The following TSPAN9 variants were observed in gnomAD, a reference collection of about 807,000 sequenced individuals.
The protein encoded by TSPAN9 is tetraspanin-9.
In TSPAN9, 16 loss-of-function variants were observed where a neutral mutation model predicts 31.0. That is an observed-to-expected ratio of 0.52 (90% confidence interval 0.35 to 0.78). The LOEUF (loss-of-function observed/expected upper bound fraction) is 0.78. Among genes scored for constraint, TSPAN9 ranks in the 30% least tolerant of loss-of-function variants. The pLI is 0.01. For synonymous variants in TSPAN9, 145 were observed against 121.6 expected (o/e 1.19, Z -1.27); for missense variants, 272 against 312.5 (o/e 0.87, Z 0.98).
intron 3 of TSPAN9, among the ~76,000 whole-genome samples, chr12:3,201,810 C>G (rs1262083533): frequency 6.6e-6 from 1 of 152,218 alleles, no homozygotes; most frequent in Non-Finnish European, 1.5e-5. Context: ...TGGCTCAAGC[C>G]GATGGACCTG....
intron 3 of TSPAN9, among the ~76,000 whole-genome samples, chr12:3,263,542 T>A (rs867925632): frequency 1.3e-5 from 2 of 152,272 alleles, no homozygotes; most frequent in Middle Eastern, 3.4e-3. Flanking sequence ...GGGGAGGCGC[T>A]CCTGTTGCTG....
At chr12:3,224,855 C>T (rs558040631) in intron 3 of TSPAN9, among the ~76,000 whole-genome samples, 5 of 152,280 alleles carry the variant, frequency 3.3e-5, no homozygotes, top group South Asian at 2.1e-4. Flanking sequence ...TGTGTGAGAT[C>T]GGCCCTCTTG....
chr12:3,132,376 C>T (rs2098330180), intron 2 of TSPAN9, among the ~76,000 whole-genome samples: 1 of 152,172 alleles, frequency 6.6e-6, no homozygotes, highest in Non-Finnish European at 1.5e-5. Flanking sequence ...TACCACTTTA[C>T]ATCCCTGCCG....
intron 2 of TSPAN9, among the ~76,000 whole-genome samples, chr12:3,103,603 C>G (rs2098312835): frequency 6.6e-6 from 1 of 152,172 alleles, no homozygotes. Context: ...CCCCACCATG[C>G]CATGCACGAA....
chr12:3,199,637 G>A (rs1266329398), intron 2 of TSPAN9, among the ~76,000 whole-genome samples: 1 of 152,228 alleles, frequency 6.6e-6, no homozygotes, highest in African/African-American at 2.4e-5. Flanking sequence ...AGCCTGCCTG[G>A]GGTTCCAGCC....
At chr12:3,214,961 T>C (rs1196597582) in intron 3 of TSPAN9, among the ~76,000 whole-genome samples, 1 of 152,044 alleles carries the variant, frequency 6.6e-6, no homozygotes, top group East Asian at 1.9e-4. Flanking sequence ...GGCTCTACCC[T>C]GTTCACTGTG....
At chr12:3,183,953 A>G (rs2098359747) in intron 2 of TSPAN9, among the ~76,000 whole-genome samples, 1 of 152,096 alleles carries the variant, frequency 6.6e-6, no homozygotes, top group Non-Finnish European at 1.5e-5. Flanking sequence ...ACATTTTTCT[A>G]TAATTGCAGG....
intron 2 of TSPAN9, among the ~76,000 whole-genome samples, chr12:3,089,229 C>G (rs1408081098): frequency 7.1e-6 from 1 of 141,340 alleles, no homozygotes. Context: ...GAGACTCCAT[C>G]TCAAAAAAGA....
At chr12:3,144,578 C>T (rs1418991074) in intron 2 of TSPAN9, among the ~76,000 whole-genome samples, 1 of 152,236 alleles carries the variant, frequency 6.6e-6, no homozygotes, top group Non-Finnish European at 1.5e-5. Context: ...TGCCTCCATT[C>T]TGCACTTCCA....
intron 2 of TSPAN9, among the ~76,000 whole-genome samples, chr12:3,177,508 C>T (rs1224036775): frequency 1.3e-5 from 2 of 152,178 alleles, no homozygotes; most frequent in African/African-American, 4.8e-5. Flanking sequence ...TCTTGGCTCA[C>T]TGCACTCTCC....
At chr12:3,249,065 C>G (rs1342350302) in intron 3 of TSPAN9, among the ~76,000 whole-genome samples, 3 of 152,240 alleles carry the variant, frequency 2.0e-5, no homozygotes, top group Non-Finnish European at 4.4e-5. Flanking sequence ...CTCCCTGTCC[C>G]TAGTTCCTCT....
chr12:3,266,161 G>A (rs1388289694), intron 3 of TSPAN9, among the ~76,000 whole-genome samples: 3 of 152,144 alleles, frequency 2.0e-5, no homozygotes, highest in Admixed American at 2.0e-4. Context: ...GAGTAGGGAC[G>A]TGTCTGGGTG....
At chr12:3,275,945 C>A (rs956537735) in intron 3 of TSPAN9, among the ~76,000 whole-genome samples, 2 of 152,232 alleles carry the variant, frequency 1.3e-5, no homozygotes, top group African/African-American at 4.8e-5. Context: ...CCTATTCATT[C>A]TTCAAAGCCC....
intron 3 of TSPAN9, among the ~76,000 whole-genome samples, chr12:3,273,572 AT>A (rs1862724834): frequency 6.6e-6 from 1 of 152,092 alleles, no homozygotes; most frequent in South Asian, 2.1e-4. Flanking sequence ...TTGGAAGGGA[AT>A]TTTCCCAAAT....
chr12:3,222,314 G>A (rs2098385022), intron 3 of TSPAN9, among the ~76,000 whole-genome samples: 1 of 152,218 alleles, frequency 6.6e-6, no homozygotes, highest in Admixed American at 6.5e-5. Context: ...TTGGTCTTGG[G>A]TCCATAACTT....
At chr12:3,218,184 GT>G (rs2098382369) in intron 3 of TSPAN9, among the ~76,000 whole-genome samples, 2 of 152,154 alleles carry the variant, frequency 1.3e-5, no homozygotes, top group Admixed American at 1.3e-4. Flanking sequence ...TCTAGGCTTT[GT>G]TTTGGCTTTC....
intron 6 of TSPAN9, 77 bp from the exon 7 acceptor site, chr12:3,281,121 C>T (rs1228260090): frequency 4.6e-6 from 7 of 1,537,398 alleles, no homozygotes; most frequent in South Asian, 1.2e-5. Flanking sequence ...TGGGGTTGGC[C>T]TGGGCAGGGG....
At chr12:3,080,488 T>C (rs6489430) in intron 1 of TSPAN9, among the ~76,000 whole-genome samples, 151,117 of 152,182 alleles carry the variant, frequency 0.99, 75,037 homozygotes, top group Middle Eastern at 1. Context: ...GCGCCCGCCA[T>C]CACCCTCGGC....
chr12:3,280,339 C>CGTCCTGGTTCCAACCGTCTCACTGT lies in TSPAN9; in HGVS notation c.331-38_331-14dup, dbSNP rs565829152. The CGTCCTGGTTCCAACCGTCTCACTGT allele has an allele frequency of 2.5e-3, 3,949 of 1,574,402 alleles. 7 individuals are homozygous for CGTCCTGGTTCCAACCGTCTCACTGT. Among genetic ancestry groups the CGTCCTGGTTCCAACCGTCTCACTGT allele is most frequent in the Non-Finnish European group, 3.2e-3 (3,640 of 1,148,676 alleles). ...TGAGGTGGGCTGGAGAGACGAGCTG[C>CGTCCTGGTTCCAACCGTCTCACTGT]GTCCTGGTTCCAACCGTCTCACTGT... On this transcript the variant is annotated intron_variant, in intron 5 of 8. Coordinates refer to ENST00000011898, the MANE Select transcript of TSPAN9 (RefSeq NM_006675.5). This position sits in a 1 kb window ranked among gnomAD's most constrained non-coding sequence, Gnocchi z 4.5.
Sources: gnomAD v4.1 joint callset for allele counts (sites outside exome capture counted in the v4.1 genomes callset) on GRCh38, gnomAD v4.1.1 for gene constraint, Gnocchi (gnomAD v3.1) non-coding constraint, MANE v1.5 for transcripts, NCBI Gene and HGNC (gene_info 2026-07-23, HGNC 2026-07-21) for gene names.